COBL: variants seen among roughly 807,000 people sequenced by gnomAD.
The protein encoded by COBL is protein cordon-bleu.
In COBL, 51 loss-of-function variants were observed where a neutral mutation model predicts 98.8. The observed-to-expected ratio is 0.52, with a 90% CI of 0.41 to 0.65. The LOEUF is 0.65. Among genes scored for constraint, COBL ranks in the 30% least tolerant of loss-of-function variants. The pLI is 0.00. For missense variants in COBL, 1,617 were observed against 1,617.5 expected (o/e 1.00, Z 0.01); for synonymous variants, 634 against 651.7 (o/e 0.97, Z 0.41).
chr7:51,117,548 G>T (rs982091313), intron 6 of COBL, among the ~76,000 whole-genome samples: 3 of 151,684 alleles, frequency 2.0e-5, no homozygotes, highest in Non-Finnish European at 2.9e-5. Flanking sequence ...TTTCTACTTG[G>T]TTCTTATTTA....
intron 6 of COBL, among the ~76,000 whole-genome samples, chr7:51,128,494 C>A (rs1798432117): frequency 6.6e-6 from 1 of 152,054 alleles, no homozygotes; most frequent in African/African-American, 2.4e-5. Flanking sequence ...CAGAAAAGCA[C>A]CAAACACAGA....
At chr7:51,085,960 A>G (rs777766305) in intron 6 of COBL, among the ~76,000 whole-genome samples, 15 of 152,198 alleles carry the variant, frequency 9.9e-5, no homozygotes, top group Non-Finnish European at 1.9e-4. Context: ...AGCTTTCAAC[A>G]GTGAAAGACA....
intron 1 of COBL, among the ~76,000 whole-genome samples, chr7:51,289,581 A>AC (rs1172664640): frequency 6.6e-6 from 1 of 152,118 alleles, no homozygotes; most frequent in Admixed American, 6.5e-5. Flanking sequence ...CTAGAGTGCC[A>AC]CCTCTCCTTA....
At chr7:51,081,352 G>T (rs1205563061) in intron 7 of COBL, among the ~76,000 whole-genome samples, 1 of 152,216 alleles carries the variant, frequency 6.6e-6, no homozygotes, top group African/African-American at 2.4e-5. Flanking sequence ...TATGGAGTTG[G>T]CAAGAGGGCA....
chr7:51,146,996 T>C (rs55735401), intron 5 of COBL, among the ~76,000 whole-genome samples: 15,929 of 151,770 alleles, frequency 0.1, 956 homozygotes, highest in Admixed American at 0.16. Flanking sequence ...CAGCAGGGGG[T>C]TGCTCATTAA....
At chr7:51,123,096 C>T (rs1332649048) in intron 6 of COBL, among the ~76,000 whole-genome samples, 1 of 152,150 alleles carries the variant, frequency 6.6e-6, no homozygotes, top group Non-Finnish European at 1.5e-5. Flanking sequence ...CCTATCAAGA[C>T]TTTTAAAGTC....
At chr7:51,025,020 T>C in intron 12 of COBL, 89 bp downstream of exon 12, 2 of 1,571,652 alleles carry the variant, frequency 1.3e-6, no homozygotes, top group Non-Finnish European at 1.7e-6. Context: ...GCCTCGCAGC[T>C]CCTGCCCACA....
In COBL at chr7:51,028,118, C is replaced by T. The variant is rs139496262; in HGVS notation, c.2978G>A (p.Cys993Tyr). ...QRDRVSVGQS[C>Y]GFSGKQSTSS... ...TGTGCTTTGCTTTCCACTGAAACCACAGCTCTGTCCCACAGAAACACGATC... is the reference window on the plus strand; with the variant it reads ...TGTGCTTTGCTTTCCACTGAAACCATAGCTCTGTCCCACAGAAACACGATC... The change falls in exon 10 of 13, where the codon TGT becomes TAT. Residue 993 changes from cysteine (C) to tyrosine (Y), a missense_variant. Transcript: ENST00000265136. The T allele has an allele frequency of 9.3e-6, 15 of 1,614,204 alleles. No homozygotes were observed. Among genetic ancestry groups the T allele is most frequent in the Non-Finnish European group, 1.2e-5 (14 of 1,180,030 alleles).
chr7:51,273,875 G>C (rs573751155), intron 1 of COBL, among the ~76,000 whole-genome samples: 10 of 152,218 alleles, frequency 6.6e-5, no homozygotes, highest in Middle Eastern at 3.4e-3. Context: ...TTTATATTTT[G>C]AAGTGTCATC....
At chr7:51,187,353 CACAT>C (rs1584101966) in intron 4 of COBL, among the ~76,000 whole-genome samples, 2 of 149,972 alleles carry the variant, frequency 1.3e-5, no homozygotes, top group African/African-American at 2.5e-5. Context: ...CACACACACA[CACAT>C]ATATCTATAT....
chr7:51,147,306 T>C (rs537470839), intron 5 of COBL, among the ~76,000 whole-genome samples: 2 of 152,328 alleles, frequency 1.3e-5, no homozygotes, highest in Admixed American at 1.3e-4. Context: ...TTGTTAGAAA[T>C]GCTTGTTACT....
intron 12 of COBL, chr7:51,020,915 C>T (rs1326020717): frequency 6.6e-6 from 1 of 152,236 alleles, no homozygotes; most frequent in Non-Finnish European, 1.5e-5. Flanking sequence ...ATCAAATTTA[C>T]CCTTTTGTAT....
chr7:51,281,454 C>A (rs188477098), intron 1 of COBL, among the ~76,000 whole-genome samples: 3 of 152,116 alleles, frequency 2.0e-5, no homozygotes, highest in African/African-American at 7.2e-5. Context: ...GTTCAGCAAA[C>A]CCTATACAGG....
chr7:51,028,684 C>G lies in COBL; in HGVS notation c.2412G>C (p.Glu804Asp), dbSNP rs1787849665. The G allele has an allele frequency of 1.2e-6, 2 of 1,613,294 alleles. No individual in the cohort carries two copies. The highest frequency in any genetic ancestry group is 1.7e-6 in the Non-Finnish European group (2 of 1,179,560). ...GCTTGGGGTCTGCTTGGAGTCTGCT[C>G]TCTGGATTCTGCGTCTGCGTGGGCA... ...TPVPTQTQNP[E>D]SRLQADPKPI... The change falls in exon 10 of 13, where the codon GAG becomes GAC. Residue 804 changes from glutamate to aspartate, a missense_variant. Physicochemically the swap from Glu to Asp is conservative, Grantham distance 45. Transcript: ENST00000265136.
chr7:51,117,006 CAT>C (rs1411463985), intron 6 of COBL, among the ~76,000 whole-genome samples: 1 of 152,048 alleles, frequency 6.6e-6, no homozygotes, highest in African/African-American at 2.4e-5. Context: ...CATATGTACA[CAT>C]GTGCCATGTT....
At chr7:51,232,377 C>T (rs548295468) in intron 1 of COBL, among the ~76,000 whole-genome samples, 91 of 152,228 alleles carry the variant, frequency 6.0e-4, no homozygotes, top group African/African-American at 2.0e-3. Flanking sequence ...AGAGTTCCCA[C>T]AACCCATCTG....
chr7:51,112,090 A>G (rs1461371755), intron 6 of COBL, among the ~76,000 whole-genome samples: 3 of 152,174 alleles, frequency 2.0e-5, no homozygotes, highest in African/African-American at 4.8e-5. Flanking sequence ...TATTTTTACT[A>G]AAGACTCCCA....
intron 1 of COBL, among the ~76,000 whole-genome samples, chr7:51,265,691 G>A (rs923088628): frequency 3.3e-5 from 5 of 152,148 alleles, no homozygotes; most frequent in South Asian, 2.1e-4. Flanking sequence ...TGGCTTCTCC[G>A]GACACCTGTC....
chr7:51,177,867 G>A (rs534582130), intron 5 of COBL, among the ~76,000 whole-genome samples: 4 of 151,372 alleles, frequency 2.6e-5, no homozygotes, highest in Admixed American at 6.6e-5. Flanking sequence ...TTTGTTGGCC[G>A]GGCACGGTGG....
Sources: allele counts gnomAD v4.1 joint callset (sites outside exome capture counted in the v4.1 genomes callset), GRCh38; gene constraint gnomAD v4.1.1; transcripts MANE v1.5; gene names NCBI Gene and HGNC (gene_info 2026-07-23, HGNC 2026-07-21).